The following TTC12 variants were observed in gnomAD, a reference collection of about 807,000 sequenced individuals.
TTC12 encodes the protein tetratricopeptide repeat protein 12.
TTC12 carries 70 observed loss-of-function variants against 90.1 expected under a neutral mutation model. That is an observed-to-expected ratio of 0.78 (90% CI 0.64 to 0.95). The LOEUF (loss-of-function observed/expected upper bound fraction) is 0.95, where lower values mean the gene tolerates loss of function less well. Among genes scored for constraint, TTC12 ranks in the 40% least tolerant of loss-of-function variants. TTC12 has a pLI of 0.00. For missense variants in TTC12, 819 were observed against 846.1 expected, an observed-to-expected ratio of 0.97 and a Z score of 0.40; for synonymous variants, 296 against 311.5, an observed-to-expected ratio of 0.95 and a Z score of 0.53.
intron 17 of TTC12, 139 bp downstream of exon 17, chr11:113,359,600 G>C: frequency 1.5e-6 from 1 of 658,960 alleles, no homozygotes; most frequent in Non-Finnish European, 2.7e-6. Context: ...AAGGCTGGAG[G>C]GATGCGCTCT....
At chr11:113,356,715 G>A (rs1416442453) in intron 16 of TTC12, among the ~76,000 whole-genome samples, 1 of 152,096 alleles carries the variant, frequency 6.6e-6, no homozygotes, top group Non-Finnish European at 1.5e-5. Context: ...GAAATTCTGG[G>A]TTGGAATTTA....
intron 7 of TTC12, among the ~76,000 whole-genome samples, chr11:113,331,522 C>T (rs1408520836): frequency 6.6e-6 from 1 of 152,166 alleles, no homozygotes; most frequent in African/African-American, 2.4e-5. Context: ...TAACTCTAAG[C>T]CCTTGCTCTT....
In TTC12 at chr11:113,344,394, A is replaced by G. The variant is rs1555147342; in HGVS notation, c.1108A>G (p.Thr370Ala). 1 of 1,614,144 alleles carries G rather than the reference A, an allele frequency of 6.2e-7. No individual in the cohort carries two copies. Among genetic ancestry groups the G allele is most frequent in the Non-Finnish European group, 8.5e-7 (1 of 1,180,022 alleles). Residue 370 changes from threonine to alanine, a missense_variant, in exon 13 of 22, where the codon ACT becomes GCT. Thr to Ala is a moderately conservative substitution (Grantham distance 58). Transcript: ENST00000529221. Reference protein sequence around the residue: ...SFALLLHLAQTESGRSLIINH... With the variant: ...SFALLLHLAQAESGRSLIINH... ...TGCCCTGCTGCTGCATCTCGCCCAG[A>G]CTGAGAGCGGACGGAGCCTGATCAT...
intron 5 of TTC12, 132 bp from the exon 6 acceptor site, chr11:113,325,392 C>A: frequency 2.0e-6 from 2 of 1,022,520 alleles, no homozygotes; most frequent in Admixed American, 2.7e-5. Context: ...CAGAAAAAAA[C>A]AAGTGTCAAG....
intron 16 of TTC12, among the ~76,000 whole-genome samples, chr11:113,358,134 C>G (rs1021361783): frequency 6.6e-6 from 1 of 152,168 alleles, no homozygotes; most frequent in Non-Finnish European, 1.5e-5. Flanking sequence ...CTATGCCATG[C>G]TAGCACAAGG....
At chr11:113,327,679 G>A (rs1947776105) in intron 6 of TTC12, among the ~76,000 whole-genome samples, 1 of 152,112 alleles carries the variant, frequency 6.6e-6, no homozygotes, top group Non-Finnish European at 1.5e-5. Flanking sequence ...GAAATTGTTG[G>A]AACCCATAAA....
At chr11:113,359,499 C>T in intron 17 of TTC12, 38 bp downstream of exon 17, 1 of 1,361,256 alleles carries the variant, frequency 7.3e-7, no homozygotes, top group African/African-American at 1.4e-5. Context: ...AGCCCTGGGA[C>T]AACCTGTACA....
intron 18 of TTC12, among the ~76,000 whole-genome samples, chr11:113,361,518 C>T (rs782012716): frequency 2.6e-5 from 4 of 152,182 alleles, no homozygotes; most frequent in Admixed American, 6.5e-5. Context: ...GATTTCAAAA[C>T]TCCCGATACA....
intron 1 of TTC12, 26 bp downstream of exon 1, chr11:113,314,644 TC>T: frequency 1.3e-5 from 2 of 152,850 alleles, no homozygotes; most frequent in Non-Finnish European, 2.9e-5. Context: ...TACCCCGGAA[TC>T]CCCCCTGGGA....
At chr11:113,323,472 G>T in intron 3 of TTC12, 21 bp downstream of exon 3, 1 of 1,530,968 alleles carries the variant, frequency 6.5e-7, no homozygotes, top group Non-Finnish European at 8.8e-7. Flanking sequence ...CTATTGAGAA[G>T]TTATATAAGT....
chr11:113,350,268 C>T, intron 14 of TTC12, 103 bp downstream of exon 14: 1 of 884,350 alleles, frequency 1.1e-6, no homozygotes, highest in Non-Finnish European at 1.8e-6. Flanking sequence ...GCCAAGTCTC[C>T]AAGTGAGTAT....
chr11:113,359,912 T>G (rs1245404192), intron 17 of TTC12, 28 bp from the exon 18 acceptor site: 1 of 1,557,348 alleles, frequency 6.4e-7, no homozygotes, highest in Admixed American at 2.0e-5. Context: ...AATTAAAATC[T>G]CCTGCTGGCC....
chr11:113,339,824 C>G (rs1591565399), intron 10 of TTC12, among the ~76,000 whole-genome samples: 1 of 152,078 alleles, frequency 6.6e-6, no homozygotes, highest in Non-Finnish European at 1.5e-5. Context: ...ACACACAGCA[C>G]ACTCACACCA....
chr11:113,366,444 CAA>C (rs145579916), downstream of TTC12: 264 of 1,452,552 alleles, frequency 1.8e-4, 2 homozygotes, highest in East Asian at 4.5e-3. Flanking sequence ...TCACGGGTAA[CAA>C]GAGAGTGGGC....
intron 2 of TTC12, among the ~76,000 whole-genome samples, chr11:113,322,762 A>G (rs1453258393): frequency 3.3e-5 from 5 of 152,158 alleles, no homozygotes; most frequent in African/African-American, 1.2e-4. Flanking sequence ...CTGTTAGGTG[A>G]GATAGCAGGG....
chr11:113,362,303 AATG>A, intron 18 of TTC12, 95 bp from the exon 19 acceptor site: 1 of 806,504 alleles, frequency 1.2e-6, no homozygotes, highest in Middle Eastern at 2.3e-4. Context: ...CTTCCAATAT[AATG>A]ATTGCTTTTG....
chr11:113,352,643 C>T (rs1949373998), intron 16 of TTC12, among the ~76,000 whole-genome samples: 1 of 152,102 alleles, frequency 6.6e-6, no homozygotes. Flanking sequence ...GTGTTGTTCC[C>T]CTCTATATGA....
intron 2 of TTC12, among the ~76,000 whole-genome samples, chr11:113,321,657 T>A (rs139406567): frequency 6.6e-6 from 1 of 152,244 alleles, no homozygotes; most frequent in Non-Finnish European, 1.5e-5. Flanking sequence ...AGCCTATTTC[T>A]CTGCCACTTG....
Position 113,352,099 on chromosome 11 carries a change from G to A in TTC12, c.1338G>A (p.Ser446=), listed in dbSNP as rs10466529. The A allele has an allele frequency of 2.0e-3, 3,223 of 1,614,050 alleles. 60 individuals carry two copies. In the African/African-American group the frequency reaches 0.037, roughly 19 times the overall value. Residue 446 remains serine (S), a synonymous_variant, in exon 16 of 22, where the codon TCG becomes TCA. Transcript: ENST00000529221. ...CAGATCCCAAGGTAAGCAGCTCCTC[G>A]GCTCTGTGCCAGTGCATTGCCATCA... ...LKTDPKVSSS[S]ALCQCIAIMG...
Sources: gnomAD v4.1 joint callset for allele counts (sites outside exome capture counted in the v4.1 genomes callset) on GRCh38, gnomAD v4.1.1 for gene constraint, MANE v1.5 for transcripts, NCBI Gene and HGNC (gene_info 2026-07-23, HGNC 2026-07-21) for gene names.